The following MFSD8 variants were observed in gnomAD, a reference collection of about 807,000 sequenced individuals.
The protein encoded by MFSD8 is major facilitator superfamily domain-containing protein 8.
A neutral mutation model predicts 66.4 loss-of-function variants in MFSD8; 55 were observed. That is an observed-to-expected ratio of 0.83 (90% CI 0.67 to 1.04). The LOEUF is 1.04. Ranked by LOEUF, MFSD8 falls within the 50% of genes least tolerant of loss-of-function variation. MFSD8 has a pLI of 0.00. For missense variants in MFSD8, 550 were observed against 627.6 expected, an observed-to-expected ratio of 0.88 and a Z score of 1.32; for synonymous variants, 202 against 212.8, an observed-to-expected ratio of 0.95 and a Z score of 0.44.
At chr4:127,920,885 TATTTAA>T (rs1452571674) in intron 11 of MFSD8, 49 bp from the exon 12 acceptor site, 1 of 1,556,648 alleles carries the variant, frequency 6.4e-7, no homozygotes, top group Admixed American at 1.8e-5. Flanking sequence ...GGGGTTTAGT[TATTTAA>T]AAGCAAAGAA....
At chr4:127,964,096 T>C (rs908374418) in intron 1 of MFSD8, among the ~76,000 whole-genome samples, 2 of 152,180 alleles carry the variant, frequency 1.3e-5, no homozygotes, top group Non-Finnish European at 2.9e-5. Flanking sequence ...AGAGTGCCGA[T>C]TGGTGTAGTT....
At chr4:127,930,570 G>C in intron 9 of MFSD8, 113 bp downstream of exon 9, 1 of 1,182,866 alleles carries the variant, frequency 8.5e-7, no homozygotes, top group Non-Finnish European at 1.2e-6. Context: ...TTGTAAATTT[G>C]TGTGCAAAAA....
rs137889791 is a variant in MFSD8 at position 127,938,614 on chromosome 4, A to T, written c.754+169T>A. On this transcript the variant is annotated intron_variant, in intron 7 of 11. Transcript: ENST00000641686. Reference sequence around the variant, plus strand: ...AAAAAAATAAATAAATAAATAAATAAATAAATAAATAAATAAATAAATTTA... The same window carrying T: ...AAAAAAATAAATAAATAAATAAATATATAAATAAATAAATAAATAAATTTA... Among the ~76,000 whole-genome samples, 6,645 of 141,328 alleles carry T rather than the reference A, an allele frequency of 0.047. 427 individuals are homozygous for T. Among genetic ancestry groups the T allele is most frequent in the East Asian group, 0.22 (1,098 of 4,980 alleles). 92.7% of individuals were successfully genotyped at this position (141,328 alleles called of 152,430 possible). A position where few individuals can be genotyped will look rare whatever the true frequency, so the allele number is the denominator to read the frequency against.
chr4:127,925,789 T>C (rs1294089498), intron 9 of MFSD8, among the ~76,000 whole-genome samples: 5 of 152,164 alleles, frequency 3.3e-5, no homozygotes, highest in Admixed American at 6.5e-5. Context: ...CACATGCACA[T>C]GTATGTTTAT....
chr4:127,955,702 G>A (rs1302358484), intron 2 of MFSD8, among the ~76,000 whole-genome samples: 1 of 152,140 alleles, frequency 6.6e-6, no homozygotes, highest in African/African-American at 2.4e-5. Flanking sequence ...CCTGAATGCA[G>A]AGAATAGATT....
intron 4 of MFSD8, chr4:127,943,526 G>T: frequency 2.0e-6 from 1 of 505,916 alleles, no homozygotes; most frequent in Non-Finnish European, 3.5e-6. Flanking sequence ...GGTTTAAACT[G>T]AATCTTGAAG....
intron 1 of MFSD8, among the ~76,000 whole-genome samples, chr4:127,958,359 A>G (rs1743220354): frequency 6.6e-6 from 1 of 152,202 alleles, no homozygotes; most frequent in African/African-American, 2.4e-5. Flanking sequence ...TTTTCAAATA[A>G]TCAAGACATG....
At chr4:127,928,533 C>T (rs1323929496) in intron 9 of MFSD8, among the ~76,000 whole-genome samples, 3 of 152,126 alleles carry the variant, frequency 2.0e-5, no homozygotes, top group Non-Finnish European at 2.9e-5. Flanking sequence ...CAAGTCAAAA[C>T]CACAATTAGG....
chr4:127,940,765 A>G (rs1253414792), intron 5 of MFSD8, among the ~76,000 whole-genome samples: 3 of 148,300 alleles, frequency 2.0e-5, no homozygotes, highest in Non-Finnish European at 2.9e-5. Context: ...CAAAAACTCA[A>G]TTGGAAGAGT....
Position 127,943,810 on chromosome 4 carries a change from T to G in MFSD8, c.381A>C (p.Pro127=), listed in dbSNP as rs1392166746. The change falls in exon 4 of 12, where the codon CCA becomes CCC. Residue 127 remains proline, a synonymous_variant. Coordinates refer to ENST00000641686, the MANE Select transcript of MFSD8 (RefSeq NM_001371596.2). ...ANCLYAYLHI[P]ASHNKYYMLV... ...GCATGTAGTATTTATTATGAGAAGC[T>G]GGGATGTGGAGATATGCATAGAGGC... The G allele has an allele frequency of 6.2e-7, 1 of 1,614,078 alleles. No homozygotes were observed. Among genetic ancestry groups the G allele is most frequent in the African/African-American group, 1.3e-5 (1 of 75,010 alleles).
chr4:127,957,530 A>G lies in MFSD8; in HGVS notation c.125T>C (p.Leu42Ser). The change falls in exon 2 of 12, where the codon TTA becomes TCA. Residue 42 changes from leucine (L) to serine (S), a missense_variant. Physicochemically the swap from Leu to Ser is moderately radical, Grantham distance 145. Transcript: ENST00000641686. The stretch of plus-strand genomic sequence containing the variant: ...ACTGCTGAGAAACATAGTAAGATAT[A>G]AAATCCTAATAGATCTCCATCGGCT... The part of the protein sequence containing the change: ...YKSRWRSIRI[L>S]YLTMFLSSVG... 1 of 1,611,106 alleles carries G rather than the reference A, an allele frequency of 6.2e-7. No homozygotes were observed. The highest frequency in any genetic ancestry group is 8.5e-7 in the Non-Finnish European group (1 of 1,177,590).
intron 9 of MFSD8, among the ~76,000 whole-genome samples, chr4:127,929,457 A>G (rs1003321916): frequency 6.6e-6 from 1 of 151,348 alleles, no homozygotes; most frequent in Non-Finnish European, 1.5e-5. Flanking sequence ...GCATTATGGC[A>G]CATGCCTGTA....
At chr4:127,949,766 T>A in intron 3 of MFSD8, 38 bp downstream of exon 3, 1 of 1,573,420 alleles carries the variant, frequency 6.4e-7, no homozygotes, top group Non-Finnish European at 8.7e-7. Context: ...TTACTACTAC[T>A]GTAGCTATAA....
At chr4:127,929,238 G>A (rs1221708985) in intron 9 of MFSD8, among the ~76,000 whole-genome samples, 11 of 146,654 alleles carry the variant, frequency 7.5e-5, no homozygotes, top group East Asian at 2.0e-4. Flanking sequence ...CGTGAGAATC[G>A]CTGGAACCCA....
intron 9 of MFSD8, among the ~76,000 whole-genome samples, chr4:127,928,886 G>A (rs181198977): frequency 7.9e-5 from 12 of 152,186 alleles, no homozygotes; most frequent in Admixed American, 3.9e-4. Flanking sequence ...TATATATATG[G>A]GAATATTATT....
At chr4:127,945,105 G>A (rs1246653511) in intron 3 of MFSD8, among the ~76,000 whole-genome samples, 1 of 152,112 alleles carries the variant, frequency 6.6e-6, no homozygotes, top group Admixed American at 6.5e-5. Flanking sequence ...AGGAGTTGGA[G>A]GCTGTAACAC....
intron 9 of MFSD8, among the ~76,000 whole-genome samples, chr4:127,928,152 A>G (rs1737526580): frequency 6.6e-6 from 1 of 152,126 alleles, no homozygotes; most frequent in South Asian, 2.1e-4. Flanking sequence ...CCCAGGTTGA[A>G]GCGATTCTCT....
At chr4:127,955,840 C>T (rs1039542821) in intron 2 of MFSD8, among the ~76,000 whole-genome samples, 2 of 152,088 alleles carry the variant, frequency 1.3e-5, no homozygotes, top group South Asian at 2.1e-4. Flanking sequence ...TTGCACTGGC[C>T]AGGCGGGGTG....
chr4:127,965,245 G>A (rs1744879900), upstream of MFSD8: 3 of 1,347,456 alleles, frequency 2.2e-6, no homozygotes, highest in South Asian at 1.2e-5. Flanking sequence ...GTGCGCACCT[G>A]ACGGTCAGAC....
Sources: allele counts gnomAD v4.1 joint callset (sites outside exome capture counted in the v4.1 genomes callset), GRCh38; gene constraint gnomAD v4.1.1; transcripts MANE v1.5; gene names NCBI Gene and HGNC (gene_info 2026-07-23, HGNC 2026-07-21).